CSMD3: variants seen among roughly 807,000 people sequenced by gnomAD.
The protein encoded by CSMD3 is CUB and Sushi multiple domains 3.
In CSMD3, 177 loss-of-function variants were observed where a neutral mutation model predicts 435.2. The ratio of observed to expected loss-of-function variants is 0.41; its 90% CI spans 0.36 to 0.46. The LOEUF is 0.46. Among genes scored for constraint, CSMD3 ranks in the 20% least tolerant of loss-of-function variants. CSMD3 has a pLI of 0.34. For missense variants in CSMD3, 4,265 were observed against 4,504.6 expected, an observed-to-expected ratio of 0.95 and a Z score of 1.52; for synonymous variants, 1,656 against 1,520.5, an observed-to-expected ratio of 1.09 and a Z score of -2.07.
At chr8:112,710,255 T>C (rs2076583721) in intron 13 of CSMD3, among the ~76,000 whole-genome samples, 1 of 152,148 alleles carries the variant, frequency 6.6e-6, no homozygotes, top group African/African-American at 2.4e-5. Context: ...CAAACAGTGG[T>C]GTCAAGTTCT....
intron 45 of CSMD3, among the ~76,000 whole-genome samples, chr8:112,327,928 T>C (rs1321084269): frequency 6.6e-6 from 1 of 152,200 alleles, no homozygotes; most frequent in African/African-American, 2.4e-5. Context: ...TTCCAGAAAA[T>C]AATGCTGCAT....
intron 19 of CSMD3, among the ~76,000 whole-genome samples, chr8:112,648,276 G>GA (rs1259100498): frequency 2.6e-5 from 4 of 152,082 alleles, no homozygotes; most frequent in South Asian, 2.1e-4. Flanking sequence ...CGAGTCAACA[G>GA]AAAAAAATTA....
At chr8:112,536,101 C>T (rs1462822548) in intron 27 of CSMD3, among the ~76,000 whole-genome samples, 1 of 152,174 alleles carries the variant, frequency 6.6e-6, no homozygotes, top group East Asian at 1.9e-4. Flanking sequence ...GCATTCAGGA[C>T]ATAGGCATGG....
chr8:112,709,407 T>C (rs1308560153), intron 13 of CSMD3, among the ~76,000 whole-genome samples: 4 of 152,082 alleles, frequency 2.6e-5, no homozygotes, highest in Non-Finnish European at 5.9e-5. Context: ...AGGACACGCT[T>C]GGGGAAGGTT....
intron 3 of CSMD3, among the ~76,000 whole-genome samples, chr8:113,270,255 A>G (rs1331763978): frequency 6.7e-6 from 1 of 149,194 alleles, no homozygotes; most frequent in Non-Finnish European, 1.5e-5. Flanking sequence ...CAAAACCACA[A>G]TGAGATACCA....
At chr8:112,968,972 T>G (rs1043986137) in intron 7 of CSMD3, among the ~76,000 whole-genome samples, 5 of 151,988 alleles carry the variant, frequency 3.3e-5, no homozygotes, top group African/African-American at 1.2e-4. Context: ...GAAAACAGTG[T>G]TAGTTGCTTG....
chr8:113,195,300 G>A (rs1041461945), intron 3 of CSMD3, among the ~76,000 whole-genome samples: 1 of 147,926 alleles, frequency 6.8e-6, no homozygotes, highest in East Asian at 2.0e-4. Flanking sequence ...TGATGTTGAA[G>A]TCTCTGGAAC....
intron 13 of CSMD3, among the ~76,000 whole-genome samples, chr8:112,695,202 G>A (rs530737707): frequency 8.5e-4 from 130 of 152,238 alleles, no homozygotes; most frequent in African/African-American, 3.0e-3. Flanking sequence ...AATTTAATGT[G>A]TATCTTTCCA....
At chr8:113,023,405 T>G (rs2086756659) in intron 5 of CSMD3, among the ~76,000 whole-genome samples, 1 of 151,764 alleles carries the variant, frequency 6.6e-6, no homozygotes. Context: ...TGTCTCTCTC[T>G]CTCTCCCTCT....
intron 2 of CSMD3, among the ~76,000 whole-genome samples, chr8:113,281,461 G>A (rs7844901): frequency 0.1 from 15,799 of 151,504 alleles, 958 homozygotes; most frequent in Middle Eastern, 0.17. Flanking sequence ...CTTTAAAGTT[G>A]GTTTTCTCTA....
intron 22 of CSMD3, among the ~76,000 whole-genome samples, chr8:112,631,752 A>G (rs2074521864): frequency 6.6e-6 from 1 of 151,934 alleles, no homozygotes; most frequent in African/African-American, 2.4e-5. Context: ...GAGAGAAGTA[A>G]ATATATATTT....
At chr8:112,857,093 T>C in intron 11 of CSMD3, among the ~76,000 whole-genome samples, 1 of 151,724 alleles carries the variant, frequency 6.6e-6, no homozygotes, top group Non-Finnish European at 1.5e-5. Flanking sequence ...AACTGTGGTG[T>C]GTGTGTGTGT....
At chr8:112,925,741 C>T (rs1312647221) in intron 9 of CSMD3, among the ~76,000 whole-genome samples, 1 of 152,092 alleles carries the variant, frequency 6.6e-6, no homozygotes, top group Admixed American at 6.6e-5. Context: ...TTCTACCTTA[C>T]TATTTTATCT....
intron 31 of CSMD3, among the ~76,000 whole-genome samples, chr8:112,485,351 C>A (rs937939875): frequency 6.6e-6 from 1 of 152,110 alleles, no homozygotes; most frequent in Admixed American, 6.6e-5. Context: ...TGATGATACA[C>A]AGACATAATT....
At chr8:112,732,699 C>CAAAAAAAAA (rs34891739) in intron 13 of CSMD3, among the ~76,000 whole-genome samples, 6 of 97,164 alleles carry the variant, frequency 6.2e-5, no homozygotes, top group African/African-American at 1.7e-4. Flanking sequence ...GACTCCATCT[C>CAAAAAAAAA]AAAAAAAAAA....
At chr8:112,843,616 A>G (rs2080240373) in intron 11 of CSMD3, among the ~76,000 whole-genome samples, 1 of 151,910 alleles carries the variant, frequency 6.6e-6, no homozygotes, top group Non-Finnish European at 1.5e-5. Context: ...ATGTGCAAAT[A>G]TGACATCAGA....
rs534118563 is a variant in CSMD3, at chr8:112,401,426, T to C, written c.5809+5098A>G. ...TCTAACTCTGTCTCATCTGCATGTC[T>C]TCATGGATATAAGAATATTTATTTC... On this transcript the variant is annotated intron_variant, in intron 35 of 70. Coordinates refer to ENST00000297405, the MANE Select transcript of CSMD3 (RefSeq NM_198123.2). Among the ~76,000 whole-genome samples the C allele has an allele frequency of 6.6e-5, 10 of 152,246 alleles. No homozygotes were observed. In the South Asian group the frequency reaches 1.9e-3, roughly 28 times the overall value.
At chr8:112,319,228 T>C (rs1215824962) in intron 46 of CSMD3, among the ~76,000 whole-genome samples, 1 of 152,090 alleles carries the variant, frequency 6.6e-6, no homozygotes, top group Non-Finnish European at 1.5e-5. Context: ...ATAATTTAGT[T>C]GATATAGGTG....
intron 4 of CSMD3, among the ~76,000 whole-genome samples, chr8:113,153,559 G>A (rs542560884): frequency 1.4e-4 from 21 of 152,050 alleles, no homozygotes; most frequent in Admixed American, 4.6e-4. Flanking sequence ...TGATTCAGAG[G>A]CAATCTGAAT....
Sources: allele counts gnomAD v4.1 joint callset (sites outside exome capture counted in the v4.1 genomes callset), GRCh38; gene constraint gnomAD v4.1.1; transcripts MANE v1.5; gene names NCBI Gene and HGNC (gene_info 2026-07-23, HGNC 2026-07-21).